Variants in CFAP47 observed in about 807,000 individuals in gnomAD.
CFAP47 encodes the protein cilia and flagella associated protein 47.
CFAP47 carries 29 observed loss-of-function variants against 148.1 expected under a neutral mutation model. The observed-to-expected ratio is 0.20, with a 90% CI of 0.15 to 0.27. The LOEUF (loss-of-function observed/expected upper bound fraction) is 0.27. Ranked by LOEUF, CFAP47 falls within the 10% of genes least tolerant of loss-of-function variation. The pLI is 1.00. For synonymous variants in CFAP47, 664 were observed against 577.3 expected, an observed-to-expected ratio of 1.15 and a Z score of -2.15; for missense variants, 1,872 against 1,697.5, an observed-to-expected ratio of 1.10 and a Z score of -1.81.
chrX:36,355,954 C>T (rs1369817662), intron 60 of CFAP47, among the ~76,000 whole-genome samples: 3 of 111,577 alleles, frequency 2.7e-5, no homozygotes, highest in African/African-American at 9.8e-5. Flanking sequence ...TTAAGTTGTA[C>T]TCTTGTCAGG....
At chrX:35,988,102 A>G (rs1936742790) in intron 15 of CFAP47, among the ~76,000 whole-genome samples, 1 of 111,591 alleles carries the variant, frequency 9.0e-6, no homozygotes, top group South Asian at 3.8e-4. Context: ...CCACCATGAT[A>G]TATGATACCT....
In CFAP47 at chrX:36,000,395, C is replaced by T. The variant is rs1359245068; in HGVS notation, c.3290C>T (p.Pro1097Leu). 2.4e-5 allele frequency: 7 copies of T among 293,087 alleles called. No homozygotes were observed. The highest frequency in any genetic ancestry group is 6.3e-5 in the Admixed American group (1 of 15,920). 24.2% of individuals were successfully genotyped at this position (293,087 alleles called of 1,213,427 possible). Reference sequence around the variant, plus strand: ...GTGGAGTTTAATCTAAAAGACTTTCCGGATTTTTCAATGGATCTTAAAGAC... The same window carrying T: ...GTGGAGTTTAATCTAAAAGACTTTCTGGATTTTTCAATGGATCTTAAAGAC... ...ARVEFNLKDF[P>L]DFSMDLKDKS... Residue 1097 changes from proline to leucine, a missense_variant, in exon 20 of 64, where the codon CCG (proline) becomes CTG (leucine). Physicochemically the swap from Pro to Leu is moderately conservative, Grantham distance 98 (BLOSUM62 -3). Coordinates refer to ENST00000378653, the MANE Select transcript of CFAP47 (RefSeq NM_001304548.2).
At chrX:36,155,956 T>G (rs1211825345) in intron 37 of CFAP47, among the ~76,000 whole-genome samples, 1 of 111,391 alleles carries the variant, frequency 9.0e-6, no homozygotes, top group Non-Finnish European at 1.9e-5. Context: ...ATTATGTGTG[T>G]ATAGAACTAG....
At chrX:36,228,550 A>C in intron 45 of CFAP47, 78 bp from the exon 46 acceptor site, 1 of 491,091 alleles carries the variant, frequency 2.0e-6, no homozygotes, top group South Asian at 2.9e-5. Context: ...TAATACAATA[A>C]TATTAAATAT....
At chrX:36,136,095 G>A (rs1939040077) in intron 33 of CFAP47, among the ~76,000 whole-genome samples, 1 of 110,862 alleles carries the variant, frequency 9.0e-6, no homozygotes, top group South Asian at 3.8e-4. Flanking sequence ...TAGATAATGA[G>A]ATTGAGATTT....
At chrX:35,923,067 C>G (rs935032552) in intron 1 of CFAP47, among the ~76,000 whole-genome samples, 1 of 111,375 alleles carries the variant, frequency 9.0e-6, no homozygotes, top group African/African-American at 3.3e-5. Flanking sequence ...TCATATGGTG[C>G]TTAACTAGTC....
chrX:36,310,075 A>G (rs1247214685), intron 55 of CFAP47, among the ~76,000 whole-genome samples: 3 of 108,534 alleles, frequency 2.8e-5, no homozygotes, highest in African/African-American at 1.0e-4. Context: ...TTGAGAGATT[A>G]TAAAGTAGGA....
intron 57 of CFAP47, among the ~76,000 whole-genome samples, chrX:36,341,421 T>A (rs955004524): frequency 2.7e-5 from 3 of 111,391 alleles, no homozygotes; most frequent in East Asian, 5.6e-4. Flanking sequence ...TTGTGCACAG[T>A]TTATTAAAAA....
In CFAP47 at chrX:35,926,173, G is replaced by T. The variant is rs1470410821; in HGVS notation, c.401+5G>T. 14 of 1,174,181 alleles carry T rather than the reference G, an allele frequency of 1.2e-5. No homozygotes were observed. Among genetic ancestry groups the T allele is most frequent in the Non-Finnish European group, 1.6e-5 (14 of 866,490 alleles). On this transcript the variant is annotated splice_donor_5th_base_variant and intron_variant, in intron 2 of 63. Transcript: ENST00000378653. ...AACAGAAATTCCTCTAATTGGGTAT[G>T]TAATCTTCATAGTTCATGCTGACAT...
chrX:36,076,343 C>A (rs1937856050), intron 29 of CFAP47, among the ~76,000 whole-genome samples: 1 of 76,046 alleles, frequency 1.3e-5, no homozygotes, highest in African/African-American at 5.1e-5. Flanking sequence ...CCCCACCCCA[C>A]AACAAGCCCC....
chrX:36,098,464 C>CCCAGGTGGGTCCAGAGGT (rs1186711602), intron 30 of CFAP47, among the ~76,000 whole-genome samples: 8 of 111,148 alleles, frequency 7.2e-5, no homozygotes, highest in Admixed American at 1.9e-4. Flanking sequence ...TCCCCCAGAC[C>CCCAGGTGGGTCCAGAGGT]CCAGGTGGGT....
At chrX:36,217,543 C>G (rs2146893191) in intron 45 of CFAP47, among the ~76,000 whole-genome samples, 1 of 111,817 alleles carries the variant, frequency 8.9e-6, no homozygotes, top group African/African-American at 3.2e-5. Context: ...TCCTGCTGCC[C>G]TCCCATACCT....
chrX:36,064,776 CCTT>C (rs1330477467), intron 26 of CFAP47, among the ~76,000 whole-genome samples: 1 of 111,118 alleles, frequency 9.0e-6, no homozygotes, highest in East Asian at 2.8e-4. Flanking sequence ...AAAATATAGC[CCTT>C]CTATTAAAAA....
chrX:36,054,053 A>C (rs749805222), intron 26 of CFAP47, among the ~76,000 whole-genome samples: 1 of 112,410 alleles, frequency 8.9e-6, no homozygotes, highest in East Asian at 2.8e-4. Context: ...TTTTAAAGGA[A>C]ATTCCAATGT....
chrX:36,143,858 C>T (rs760154523), intron 35 of CFAP47, among the ~76,000 whole-genome samples: 9 of 111,434 alleles, frequency 8.1e-5, no homozygotes, highest in Non-Finnish European at 1.3e-4. Context: ...TCTTCAACTG[C>T]CCCCTACCTG....
chrX:36,147,821 C>T (rs1355104891), intron 36 of CFAP47, among the ~76,000 whole-genome samples: 10 of 112,413 alleles, frequency 8.9e-5, no homozygotes, highest in Non-Finnish European at 1.3e-4. Context: ...CCTACTGCTA[C>T]TTTTTCACTC....
chrX:35,975,047 A>T (rs1027009943), intron 13 of CFAP47, 100 bp from the exon 14 acceptor site: 3 of 468,292 alleles, frequency 6.4e-6, no homozygotes, highest in Admixed American at 9.6e-5. Context: ...TTTCATTTTT[A>T]TACAAATTGG....
intron 44 of CFAP47, among the ~76,000 whole-genome samples, chrX:36,204,698 T>TAAGGC (rs1233167541): frequency 1.8e-5 from 2 of 111,670 alleles, no homozygotes; most frequent in Admixed American, 9.5e-5. Flanking sequence ...AGTTTCCTCT[T>TAAGGC]AAGGCAAGGC....
intron 51 of CFAP47, among the ~76,000 whole-genome samples, chrX:36,290,841 T>A (rs1177206940): frequency 8.9e-6 from 1 of 112,377 alleles, no homozygotes; most frequent in African/African-American, 3.2e-5. Context: ...GAGTAAAGTG[T>A]GTGTTTTCTG....
Sources: gnomAD v4.1 joint callset for allele counts (sites outside exome capture counted in the v4.1 genomes callset) on GRCh38, gnomAD v4.1.1 for gene constraint, MANE v1.5 for transcripts, NCBI Gene and HGNC (gene_info 2026-07-23, HGNC 2026-07-21) for gene names.